SERGEF: variants seen among roughly 807,000 people sequenced by gnomAD.
SERGEF encodes secretion-regulating guanine nucleotide exchange factor.
A neutral mutation model predicts 50.0 loss-of-function variants in SERGEF; 51 were observed. That is an observed-to-expected ratio of 1.02 (90% CI 0.81 to 1.29). SERGEF has a LOEUF of 1.29. SERGEF is among the 50% of genes most tolerant of loss of function. The pLI is 0.00. For synonymous variants in SERGEF, 205 were observed against 212.4 expected (o/e 0.97, Z 0.30); for missense variants, 521 against 557.0 (o/e 0.94, Z 0.65).
At chr11:17,994,210 A>C (rs959567290) in intron 6 of SERGEF, among the ~76,000 whole-genome samples, 1 of 152,142 alleles carries the variant, frequency 6.6e-6, no homozygotes, top group Non-Finnish European at 1.5e-5. Flanking sequence ...AGAAAGGTGT[A>C]TCTGAGCTAG....
At position 17,810,454 on chromosome 11, in the gene SERGEF, C is replaced by G. The variant is rs867411049; in HGVS notation, c.1049-22041G>C. Among the ~76,000 whole-genome samples, 9 of 152,212 alleles carry G rather than the reference C, an allele frequency of 5.9e-5. No individual in the cohort carries two copies. The South Asian group carries it at 1.0e-3, about 17-fold the overall frequency. On this transcript the variant is annotated intron_variant, in intron 10 of 10. Coordinates refer to ENST00000265965, the MANE Select transcript of SERGEF (RefSeq NM_012139.4). ...CTACAACAATCATGCCTACACTGAG[C>G]TATAGTTAAATTTCAGAGCAGCAAG...
chr11:18,008,829 C>T (rs1254338452), intron 1 of SERGEF, among the ~76,000 whole-genome samples: 5 of 151,964 alleles, frequency 3.3e-5, no homozygotes, highest in Non-Finnish European at 7.4e-5. Flanking sequence ...AGAACACTAT[C>T]CAGCGTGTTT....
chr11:18,005,392 G>A (rs945735063), intron 3 of SERGEF, among the ~76,000 whole-genome samples: 1 of 152,130 alleles, frequency 6.6e-6, no homozygotes, highest in African/African-American at 2.4e-5. Flanking sequence ...TAGACAAGAG[G>A]GGCTGGTCCA....
intron 7 of SERGEF, among the ~76,000 whole-genome samples, chr11:17,992,023 G>A (rs1203177393): frequency 2.0e-5 from 3 of 152,094 alleles, no homozygotes; most frequent in Non-Finnish European, 4.4e-5. Flanking sequence ...CAAAGAGAAG[G>A]GATTACTGTC....
At chr11:17,832,659 G>A (rs1850330538) in intron 10 of SERGEF, among the ~76,000 whole-genome samples, 1 of 152,156 alleles carries the variant, frequency 6.6e-6, no homozygotes, top group African/African-American at 2.4e-5. Context: ...GAGACTTGCT[G>A]GATGGCTATG....
At position 17,819,713 on chromosome 11, in the gene SERGEF, A is replaced by G. The variant is rs563147731; in HGVS notation, c.1049-31300T>C. On this transcript the variant is annotated intron_variant, in intron 10 of 10. Transcript: ENST00000265965. ...CTTCTCTACACATCTCAGGCCCTCC[A>G]GCTTATATCCACCCCAGTCAGAGAC... 2.6e-5 allele frequency among the ~76,000 whole-genome samples: 4 copies of G among 152,248 alleles called. No homozygotes were observed. The South Asian group carries it at 8.3e-4, about 31-fold the overall frequency.
At chr11:17,930,316 G>C (rs1417307276) in intron 9 of SERGEF, among the ~76,000 whole-genome samples, 6 of 152,158 alleles carry the variant, frequency 3.9e-5, no homozygotes, top group Admixed American at 3.3e-4. Flanking sequence ...ACAACACCAA[G>C]GCAGGGCCCC....
intron 9 of SERGEF, among the ~76,000 whole-genome samples, chr11:17,943,744 T>G (rs1852602937): frequency 6.6e-6 from 1 of 152,242 alleles, no homozygotes; most frequent in Non-Finnish European, 1.5e-5. Context: ...CAAACACTGA[T>G]GTGCTCTACT....
intron 7 of SERGEF, among the ~76,000 whole-genome samples, chr11:17,989,723 T>C (rs1351232258): frequency 1.3e-5 from 2 of 152,228 alleles, no homozygotes; most frequent in Non-Finnish European, 2.9e-5. Context: ...ACCACCTACA[T>C]GTGGCTATTA....
At chr11:17,924,658 G>A (rs1370244564) in intron 9 of SERGEF, among the ~76,000 whole-genome samples, 2 of 149,100 alleles carry the variant, frequency 1.3e-5, no homozygotes, top group African/African-American at 2.5e-5. Context: ...GGTGCGGGGG[G>A]TGATTTGGGT....
intron 8 of SERGEF, among the ~76,000 whole-genome samples, chr11:17,984,778 G>C (rs192349956): frequency 2.1e-4 from 32 of 152,256 alleles, no homozygotes; most frequent in African/African-American, 7.5e-4. Context: ...TCAAAGCCCA[G>C]GTTTTTCTCT....
intron 10 of SERGEF, among the ~76,000 whole-genome samples, chr11:17,867,325 C>A (rs1312275285): frequency 6.6e-6 from 1 of 152,242 alleles, no homozygotes; most frequent in Non-Finnish European, 1.5e-5. Flanking sequence ...AAAGGGGCCA[C>A]AGGCCCCATG....
At chr11:17,876,338 A>C (rs2133896500) in intron 10 of SERGEF, among the ~76,000 whole-genome samples, 1 of 152,290 alleles carries the variant, frequency 6.6e-6, no homozygotes, top group East Asian at 1.9e-4. Context: ...GATGGCCTCC[A>C]CACAGGTAAC....
chr11:17,812,411 A>G (rs929021805), intron 10 of SERGEF, among the ~76,000 whole-genome samples: 1 of 152,194 alleles, frequency 6.6e-6, no homozygotes, highest in Non-Finnish European at 1.5e-5. Flanking sequence ...TTTGCAGTAT[A>G]TGCTTCAGGG....
chr11:17,970,866 G>T (rs557506866), intron 8 of SERGEF, among the ~76,000 whole-genome samples: 19 of 152,212 alleles, frequency 1.2e-4, no homozygotes, highest in Middle Eastern at 3.4e-3. Flanking sequence ...AAAAAAGATG[G>T]AAGCTAGCAG....
chr11:17,896,830 GGAAGGGT>G (rs1851649119), intron 9 of SERGEF, among the ~76,000 whole-genome samples: 2 of 71,570 alleles, frequency 2.8e-5, no homozygotes, highest in Non-Finnish European at 2.7e-5. Context: ...GAAGGGTAAC[GGAAGGGT>G]AAGGGAAGGG....
chr11:17,802,176 T>G (rs549413321), intron 10 of SERGEF, among the ~76,000 whole-genome samples: 5 of 152,280 alleles, frequency 3.3e-5, no homozygotes, highest in Admixed American at 3.3e-4. Context: ...TCCCAGAGGA[T>G]GCAGTGTTTG....
chr11:17,955,998 G>A (rs759928896), intron 9 of SERGEF, among the ~76,000 whole-genome samples: 36 of 152,178 alleles, frequency 2.4e-4, no homozygotes, highest in Non-Finnish European at 4.6e-4. Context: ...ATCCTGCCCT[G>A]ACATGCGCTT....
At chr11:17,835,224 C>T (rs1353510036) in intron 10 of SERGEF, among the ~76,000 whole-genome samples, 1 of 152,078 alleles carries the variant, frequency 6.6e-6, no homozygotes, top group African/African-American at 2.4e-5. Flanking sequence ...TATGTGCACA[C>T]TGTTCATTAA....
Sources: allele counts gnomAD v4.1 joint callset (sites outside exome capture counted in the v4.1 genomes callset), GRCh38; gene constraint gnomAD v4.1.1; transcripts MANE v1.5; gene names NCBI Gene and HGNC (gene_info 2026-07-23, HGNC 2026-07-21).